Variants in PDE3A observed in about 807,000 individuals in gnomAD.
PDE3A encodes cGMP-inhibited 3',5'-cyclic phosphodiesterase 3A.
Under a neutral mutation model 98.3 loss-of-function variants are expected in PDE3A, and 43 were observed. The observed-to-expected ratio is 0.44, with a 90% confidence interval of 0.34 to 0.56. The LOEUF (loss-of-function observed/expected upper bound fraction) is 0.56, where lower values mean the gene tolerates loss of function less well. PDE3A is among the 20% of genes least tolerant of loss of function. PDE3A has a pLI of 0.01. For synonymous variants in PDE3A, 663 were observed against 567.9 expected, an observed-to-expected ratio of 1.17 and a Z score of -2.38; for missense variants, 1,427 against 1,440.7, an observed-to-expected ratio of 0.99 and a Z score of 0.15.
intron 15 of PDE3A, among the ~76,000 whole-genome samples, chr12:20,661,297 A>G (rs1041166518): frequency 3.3e-5 from 5 of 152,222 alleles, no homozygotes; most frequent in African/African-American, 1.2e-4. Context: ...CCATTTTATA[A>G]GGGAAGCAGA....
chr12:20,378,509 A>G (rs959998981), intron 1 of PDE3A, among the ~76,000 whole-genome samples: 1 of 151,708 alleles, frequency 6.6e-6, no homozygotes, highest in African/African-American at 2.4e-5. Context: ...CTGCAGATTA[A>G]TATAGACAGA....
At chr12:20,399,551 G>A (rs377695412) in intron 1 of PDE3A, among the ~76,000 whole-genome samples, 4 of 152,180 alleles carry the variant, frequency 2.6e-5, no homozygotes, top group African/African-American at 9.6e-5. Context: ...TTTATTGCTT[G>A]GCTTGTCTTT....
chr12:20,396,976 T>C (rs1944031238), intron 1 of PDE3A, among the ~76,000 whole-genome samples: 1 of 151,860 alleles, frequency 6.6e-6, no homozygotes, highest in Non-Finnish European at 1.5e-5. Flanking sequence ...AGGTAAATTG[T>C]AATGCTTAAT....
intron 1 of PDE3A, among the ~76,000 whole-genome samples, chr12:20,493,147 T>C (rs886829847): frequency 4.6e-5 from 7 of 152,310 alleles, no homozygotes; most frequent in Admixed American, 4.6e-4. Context: ...ATTAACACTT[T>C]ATAGATTAAT....
intron 5 of PDE3A, among the ~76,000 whole-genome samples, chr12:20,629,199 G>C (rs948111166): frequency 5.9e-5 from 9 of 152,168 alleles, no homozygotes; most frequent in Admixed American, 1.3e-4. Context: ...ATCTAAGCCA[G>C]TATCCTGTAA....
At chr12:20,526,175 C>T (rs1220975571) in intron 1 of PDE3A, among the ~76,000 whole-genome samples, 1 of 152,186 alleles carries the variant, frequency 6.6e-6, no homozygotes, top group Non-Finnish European at 1.5e-5. Context: ...TCTTCACCTT[C>T]TTTACACACT....
chr12:20,653,838 T>A (rs896323403), intron 14 of PDE3A, 109 bp from the exon 15 acceptor site: 1 of 1,117,904 alleles, frequency 8.9e-7, no homozygotes, highest in African/African-American at 1.6e-5. Flanking sequence ...TGAGGTAGGA[T>A]CCTTTAGCTG....
intron 5 of PDE3A, among the ~76,000 whole-genome samples, chr12:20,625,297 T>C (rs1944235792): frequency 6.6e-6 from 1 of 152,306 alleles, no homozygotes; most frequent in South Asian, 2.1e-4. Context: ...TCACTGACAT[T>C]GTGGAGCTAC....
chr12:20,611,938 C>T (rs1305440631), intron 2 of PDE3A, among the ~76,000 whole-genome samples: 2 of 151,128 alleles, frequency 1.3e-5, no homozygotes, highest in East Asian at 1.9e-4. Flanking sequence ...TCTCGGTTGT[C>T]GTTGCCAGAA....
chr12:20,612,322 G>T (rs571565573), intron 2 of PDE3A, among the ~76,000 whole-genome samples: 1 of 150,856 alleles, frequency 6.6e-6, no homozygotes, highest in African/African-American at 2.4e-5. Flanking sequence ...TTGTCCTTTA[G>T]TGATTTTTTA....
At chr12:20,386,120 T>TAAATATATATAA (rs1214022751) in intron 1 of PDE3A, among the ~76,000 whole-genome samples, 46,443 of 75,170 alleles carry the variant, frequency 0.62, 15,498 homozygotes, top group East Asian at 0.85. Context: ...TAAATATATA[T>TAAATATATATAA]AAATATATAT....
chr12:20,514,362 T>C (rs2121127117), intron 1 of PDE3A, among the ~76,000 whole-genome samples: 1 of 152,338 alleles, frequency 6.6e-6, no homozygotes, highest in South Asian at 2.1e-4. Flanking sequence ...AACCTTCTAT[T>C]AAATTCTGTA....
chr12:20,528,873 A>G (rs1946573516), intron 1 of PDE3A, among the ~76,000 whole-genome samples: 1 of 152,194 alleles, frequency 6.6e-6, no homozygotes, highest in Non-Finnish European at 1.5e-5. Flanking sequence ...TACAGAGAAT[A>G]GACTCTAGTT....
Position 20,654,044 on chromosome 12 carries a change from T to C in PDE3A, c.3023T>C (p.Ile1008Thr), listed in dbSNP as rs1284364839. Residue 1008 changes from isoleucine (I) to threonine (T), a missense_variant, in exon 15 of 16, where the codon ATT becomes ACT. Transcript: ENST00000359062. ...CTTCAGGAATCCTTCATCTCTCACA[T>C]TGTGGGGCCTCTGTGCAACTCCTAT... ...ANLQESFISHIVGPLCNSYDS... is the reference protein window; with the variant it reads ...ANLQESFISHTVGPLCNSYDS... 1.2e-6 allele frequency: 2 copies of C among 1,614,142 alleles called. No homozygotes were observed. The highest frequency in any genetic ancestry group is 8.5e-7 in the Non-Finnish European group (1 of 1,180,010).
chr12:20,500,326 T>G (rs1945998436), intron 1 of PDE3A, among the ~76,000 whole-genome samples: 1 of 152,182 alleles, frequency 6.6e-6, no homozygotes, highest in African/African-American at 2.4e-5. Flanking sequence ...TTAGTGCATT[T>G]TATCTTACTT....
At chr12:20,531,125 A>G (rs954044728) in intron 1 of PDE3A, among the ~76,000 whole-genome samples, 4 of 152,152 alleles carry the variant, frequency 2.6e-5, no homozygotes, top group Non-Finnish European at 4.4e-5. Context: ...CCCTCTTAGA[A>G]GAGTTTCTAT....
intron 2 of PDE3A, among the ~76,000 whole-genome samples, chr12:20,561,546 A>G (rs1442139154): frequency 6.6e-6 from 1 of 152,144 alleles, no homozygotes; most frequent in Middle Eastern, 3.2e-3. Flanking sequence ...TTCGCAAAAC[A>G]TGGATATATG....
At chr12:20,423,751 A>C (rs1393301731) in intron 1 of PDE3A, among the ~76,000 whole-genome samples, 1 of 152,182 alleles carries the variant, frequency 6.6e-6, no homozygotes, top group African/African-American at 2.4e-5. Context: ...CAAGTGAGCC[A>C]GAGACAGTGC....
rs548728953 is a variant in PDE3A at position 20,467,882 on chromosome 12, C to A, written c.961-88778C>A. On this transcript the variant is annotated intron_variant, in intron 1 of 15. Coordinates refer to ENST00000359062, the MANE Select transcript of PDE3A (RefSeq NM_000921.5). ...CCCGGGAGGCGGAGGTTGCAGTGAG[C>A]TGAGATTGGGCCACTGCACTCCAGC... 7.5e-4 allele frequency among the ~76,000 whole-genome samples: 91 copies of A among 120,856 alleles called. 1 individual carries two copies. Among genetic ancestry groups the A allele is most frequent in the African/African-American group, 2.7e-3 (88 of 32,248 alleles). 79.3% of individuals were successfully genotyped at this position (120,856 alleles called of 152,430 possible).
Sources: gnomAD v4.1 joint callset for allele counts (sites outside exome capture counted in the v4.1 genomes callset) on GRCh38, gnomAD v4.1.1 for gene constraint, MANE v1.5 for transcripts, NCBI Gene and HGNC (gene_info 2026-07-23, HGNC 2026-07-21) for gene names.